PLCB4: variants seen among roughly 807,000 people sequenced by gnomAD.
The protein encoded by PLCB4 is phospholipase C beta 4, also known as 1-phosphatidylinositol 4,5-bisphosphate phosphodiesterase beta-4.
PLCB4 carries 77 observed loss-of-function variants against 178.8 expected under a neutral mutation model. That is an observed-to-expected ratio of 0.43 (90% CI 0.36 to 0.52). The LOEUF (loss-of-function observed/expected upper bound fraction) is 0.52, where lower values mean the gene tolerates loss of function less well. Among genes scored for constraint, PLCB4 ranks in the 20% least tolerant of loss-of-function variants. PLCB4 has a pLI of 0.00. For synonymous variants in PLCB4, 496 were observed against 490.8 expected (o/e 1.01, Z -0.14); for missense variants, 1,024 against 1,453.4 (o/e 0.70, Z 4.80).
intron 12 of PLCB4, 21 bp from the exon 13 acceptor site, chr20:9,380,033 G>A (rs748050196): frequency 4.7e-6 from 6 of 1,283,016 alleles, no homozygotes; most frequent in Non-Finnish European, 6.7e-6. Flanking sequence ...CAACCTAAAT[G>A]GAGTTATTTT....
intron 32 of PLCB4, among the ~76,000 whole-genome samples, chr20:9,445,786 A>G (rs1363721523): frequency 6.6e-6 from 1 of 152,232 alleles, no homozygotes; most frequent in African/African-American, 2.4e-5. Context: ...AGGCTGAACT[A>G]TGGAAAGCCA....
intron 2 of PLCB4, among the ~76,000 whole-genome samples, chr20:9,208,357 C>A (rs2093636533): frequency 6.6e-6 from 1 of 152,130 alleles, no homozygotes; most frequent in South Asian, 2.1e-4. Context: ...GGTACCTGGA[C>A]ATAGTAATTT....
At chr20:9,180,349 G>A (rs969149126) in intron 2 of PLCB4, among the ~76,000 whole-genome samples, 2 of 152,086 alleles carry the variant, frequency 1.3e-5, no homozygotes, top group Non-Finnish European at 2.9e-5. Context: ...ATTGTTCAGC[G>A]ATTTAAATCT....
intron 3 of PLCB4, among the ~76,000 whole-genome samples, chr20:9,224,451 G>A (rs1288915046): frequency 6.6e-6 from 1 of 152,180 alleles, no homozygotes. Context: ...TTCCCAAGCA[G>A]TGGGCAAACA....
At chr20:9,440,768 A>G (rs1393003064) in intron 30 of PLCB4, among the ~76,000 whole-genome samples, 7 of 152,146 alleles carry the variant, frequency 4.6e-5, no homozygotes, top group African/African-American at 1.7e-4. Context: ...ATCATAATAT[A>G]TAGGTTAATG....
intron 21 of PLCB4, among the ~76,000 whole-genome samples, chr20:9,406,958 T>C (rs925926599): frequency 6.6e-6 from 1 of 152,256 alleles, no homozygotes; most frequent in Non-Finnish European, 1.5e-5. Flanking sequence ...TTTCTATCAA[T>C]AAATAAACTA....
At chr20:9,287,151 C>G (rs1377107887) in intron 3 of PLCB4, among the ~76,000 whole-genome samples, 1 of 151,998 alleles carries the variant, frequency 6.6e-6, no homozygotes, top group Non-Finnish European at 1.5e-5. Context: ...CAGGTGTCTG[C>G]TATCTGATTC....
At chr20:9,428,070 G>A (rs995791114) in intron 28 of PLCB4, among the ~76,000 whole-genome samples, 7 of 151,988 alleles carry the variant, frequency 4.6e-5, no homozygotes, top group African/African-American at 7.2e-5. Flanking sequence ...GTTTTCATAG[G>A]GTTGCTTTCC....
intron 2 of PLCB4, among the ~76,000 whole-genome samples, chr20:9,106,957 G>A (rs922641456): frequency 1.3e-5 from 2 of 151,910 alleles, no homozygotes; most frequent in East Asian, 1.9e-4. Flanking sequence ...AATACTATGC[G>A]GTCATTAAAT....
intron 1 of PLCB4, among the ~76,000 whole-genome samples, chr20:9,088,856 T>A (rs189155644): frequency 1.2e-4 from 19 of 152,278 alleles, no homozygotes; most frequent in African/African-American, 4.1e-4. Flanking sequence ...TGTATATATA[T>A]GTAAATGTGT....
intron 2 of PLCB4, among the ~76,000 whole-genome samples, chr20:9,146,525 C>T (rs916213451): frequency 6.6e-6 from 1 of 151,936 alleles, no homozygotes; most frequent in African/African-American, 2.4e-5. Context: ...GATAGTAATT[C>T]ATGAATTGGG....
rs1040380095 is a variant in PLCB4, at chr20:9,479,719, C to T, written c.*710C>T. ...TGCAGATTCCGGATATTATAATTCA[C>T]ACCATAAAGATTGTGAAGTGGTTAT... is the stretch of plus-strand genomic sequence containing the variant. On this transcript the variant is annotated 3_prime_UTR_variant, in exon 40 of 40. Transcript: ENST00000378473. 6.6e-6 allele frequency: 1 copy of T among 152,668 alleles called. No homozygotes were observed. Among genetic ancestry groups the T allele is most frequent in the African/African-American group, 2.4e-5 (1 of 41,468 alleles). The allele number at this position is 152,668 out of a possible 1,614,324, so 9.5% of individuals were successfully genotyped here.
chr20:9,119,433 A>G (rs2091887639), intron 2 of PLCB4, among the ~76,000 whole-genome samples: 1 of 151,792 alleles, frequency 6.6e-6, no homozygotes, highest in Non-Finnish European at 1.5e-5. Context: ...GCCCCCAATT[A>G]TGATGAAGAC....
At chr20:9,308,004 G>C (rs1387725776) in intron 4 of PLCB4, 106 bp downstream of exon 4, 1 of 514,284 alleles carries the variant, frequency 1.9e-6, no homozygotes, top group Non-Finnish European at 3.4e-6. Context: ...AACATCTTTA[G>C]GATTTATAGG....
chr20:9,239,737 G>A (rs8123198), intron 3 of PLCB4, among the ~76,000 whole-genome samples: 16,209 of 152,152 alleles, frequency 0.11, 2,323 homozygotes, highest in African/African-American at 0.32. Context: ...TCTGCAAGCT[G>A]AGGAGCAAGG....
chr20:9,335,252 C>A (rs1427138396), intron 4 of PLCB4, among the ~76,000 whole-genome samples: 2 of 152,050 alleles, frequency 1.3e-5, no homozygotes, highest in Admixed American at 6.6e-5. Context: ...CCGCCATGGC[C>A]TTTTGGGTAA....
At chr20:9,218,213 C>T (rs1467199565) in intron 3 of PLCB4, among the ~76,000 whole-genome samples, 1 of 152,122 alleles carries the variant, frequency 6.6e-6, no homozygotes, top group Admixed American at 6.5e-5. Flanking sequence ...TGGGTTCAAG[C>T]GATTCTCCTG....
intron 32 of PLCB4, among the ~76,000 whole-genome samples, chr20:9,452,578 T>C (rs1421682746): frequency 2.0e-5 from 3 of 152,216 alleles, no homozygotes; most frequent in Non-Finnish European, 4.4e-5. Context: ...TATAAGTCAT[T>C]GGCTGTAGCT....
chr20:9,191,846 C>T (rs928839148), intron 2 of PLCB4, among the ~76,000 whole-genome samples: 5 of 151,372 alleles, frequency 3.3e-5, no homozygotes, highest in Admixed American at 6.6e-5. Context: ...CTGCTATGGT[C>T]ATGGCTATGT....
Sources: allele counts gnomAD v4.1 joint callset (sites outside exome capture counted in the v4.1 genomes callset), GRCh38; gene constraint gnomAD v4.1.1; transcripts MANE v1.5; gene names NCBI Gene and HGNC (gene_info 2026-07-23, HGNC 2026-07-21).